CCNI2: variants seen among roughly 807,000 people sequenced by gnomAD.
The protein encoded by CCNI2 is cyclin I family member 2, also known as cyclin-I2.
Under a neutral mutation model 33.2 loss-of-function variants are expected in CCNI2, and 32 were observed. The observed-to-expected ratio is 0.96, with a 90% CI of 0.73 to 1.30. The LOEUF is 1.30. CCNI2 is among the 50% of genes most tolerant of loss of function. CCNI2 has a pLI of 0.00. For synonymous variants in CCNI2, 231 were observed against 219.9 expected (o/e 1.05, Z -0.45); for missense variants, 452 against 486.2 (o/e 0.93, Z 0.66).
chr5:132,747,946 CCCT>C lies in CCNI2; in HGVS notation c.429+27_429+29del, dbSNP rs560403852. ...CCAGGTACCCGTCGCTGCCGCGTGG[CCCT>C]CCTCGCGCGTGCACGGCAGGCGGAT... On this transcript the variant is annotated intron_variant, in intron 1 of 5. Transcript: ENST00000378731. The surrounding 1 kb of genome is among the most constrained non-coding windows in gnomAD (Gnocchi z 4.1). The C allele has an allele frequency of 5.1e-5, 69 of 1,364,832 alleles. No individual in the cohort carries two copies. In the East Asian group the frequency reaches 1.6e-3, roughly 31 times the overall value. 84.5% of individuals were successfully genotyped at this position (1,364,832 alleles called of 1,614,324 possible).
chr5:132,752,026 C>G lies in CCNI2; in HGVS notation c.835C>G (p.Pro279Ala). ...HVLELLPQRN[P>A]SLHVASLTRQ... is the part of the protein sequence containing the mutation. ...GTTGGAGCTGCTGCCTCAGAGGAAT[C>G]CTTCCCTCCACGTCGCATCCCTGAC... The change falls in exon 5 of 6, where the codon CCT becomes GCT. Residue 279 changes from proline (P) to alanine (A), a missense_variant. Pro to Ala is a conservative substitution (Grantham distance 27). Transcript: ENST00000378731. The G allele has an allele frequency of 6.2e-7, 1 of 1,612,444 alleles. No individual in the cohort carries two copies. The highest frequency in any genetic ancestry group is 8.5e-7 in the Non-Finnish European group (1 of 1,179,458).
downstream of CCNI2, among the ~76,000 whole-genome samples, chr5:132,754,948 G>A (rs1188486019): frequency 6.6e-6 from 1 of 152,194 alleles, no homozygotes; most frequent in Non-Finnish European, 1.5e-5. Context: ...GAACAGGGCA[G>A]GGGGAGCATC....
In CCNI2 at chr5:132,750,893, G is replaced by A; in HGVS notation, c.670G>A (p.Gly224Ser). The change falls in exon 4 of 6, where the codon GGC becomes AGC. Residue 224 changes from glycine (G) to serine (S), a missense_variant. By Grantham distance (56) the Gly-to-Ser change is moderately conservative (BLOSUM62 0). Transcript: ENST00000378731. ...PQVKDFTKHY[G>S]SDYSPNELLR... ...AGTAAAAGACTTCACAAAGCACTAT[G>A]GCTCTGACTATTCCCCGAATGAGCT... 6.2e-7 allele frequency: 1 copy of A among 1,614,228 alleles called. No homozygotes were observed. The highest frequency in any genetic ancestry group is 8.5e-7 in the Non-Finnish European group (1 of 1,180,042).
At chr5:132,748,231 G>A (rs1754668198) in intron 1 of CCNI2, 116 bp from the exon 2 acceptor site, 1 of 1,402,618 alleles carries the variant, frequency 7.1e-7, no homozygotes, top group South Asian at 1.4e-5. Flanking sequence ...GCATGCAGAG[G>A]AAGGGACTTC....
At position 132,747,470 on chromosome 5, in the gene CCNI2, C is replaced by T. The variant is rs1271281367; in HGVS notation, c.-26C>T. On this transcript the variant is annotated 5_prime_UTR_variant, in exon 1 of 6. Coordinates refer to ENST00000378731, the MANE Select transcript of CCNI2 (RefSeq NM_001039780.4). This position sits in a 1 kb window ranked among gnomAD's most constrained non-coding sequence, Gnocchi z 4.1. ...TATAAAATGCCGGGTTAAGCGGCAACTCAGACTCAGGATCCCGCTCACGAC... is the reference window on the plus strand; with the variant it reads ...TATAAAATGCCGGGTTAAGCGGCAATTCAGACTCAGGATCCCGCTCACGAC... The T allele has an allele frequency of 7.7e-6, 11 of 1,423,732 alleles. No homozygotes were observed. Among genetic ancestry groups the T allele is most frequent in the Non-Finnish European group, 1.0e-5 (11 of 1,095,896 alleles). 88.2% of individuals were successfully genotyped at this position (1,423,732 alleles called of 1,614,324 possible).
chr5:132,753,093 T>TG lies in CCNI2; in HGVS notation c.*124dup. 1.3e-6 allele frequency: 1 copy of TG among 764,674 alleles called. No individual in the cohort carries two copies. Among genetic ancestry groups the TG allele is most frequent in the African/African-American group, 1.7e-5 (1 of 57,246 alleles). 47.4% of individuals were successfully genotyped at this position (764,674 alleles called of 1,614,324 possible). ...GGGAAGGTGGCTCTGGAAGAGCAAC[T>TG]GAGAAAAAGTTCCCAACTGAGCCCT... On this transcript the variant is annotated 3_prime_UTR_variant, in exon 6 of 6. Transcript: ENST00000378731.
At chr5:132,751,670 G>A in intron 4 of CCNI2, 1 of 503,482 alleles carries the variant, frequency 2.0e-6, no homozygotes, top group South Asian at 2.7e-5. Context: ...CCTTGGTCTT[G>A]AATAGTATGT....
In CCNI2 at chr5:132,747,463, G is replaced by C. The variant is rs910757635; in HGVS notation, c.-33G>C. ...GCTGGGTTATAAAATGCCGGGTTAA[G>C]CGGCAACTCAGACTCAGGATCCCGC... On this transcript the variant is annotated 5_prime_UTR_variant, in exon 1 of 6. Coordinates refer to ENST00000378731, the MANE Select transcript of CCNI2 (RefSeq NM_001039780.4). The surrounding 1 kb of genome is among the most constrained non-coding windows in gnomAD (Gnocchi z 4.1). 12 of 1,409,430 alleles carry C rather than the reference G, an allele frequency of 8.5e-6. No individual in the cohort carries two copies. Among genetic ancestry groups the C allele is most frequent in the Non-Finnish European group, 1.0e-5 (11 of 1,088,490 alleles). 87.3% of individuals were successfully genotyped at this position (1,409,430 alleles called of 1,614,324 possible).
rs1754636319 is a variant in CCNI2 at position 132,747,434 on chromosome 5, G to C, written c.-62G>C. On this transcript the variant is annotated 5_prime_UTR_variant, in exon 1 of 6. Transcript: ENST00000378731. The surrounding 1 kb of genome is among the most constrained non-coding windows in gnomAD (Gnocchi z 4.1). ...GCGGCGCCCCAGGCTGCAGTGTTCCGGGAGCTGGGTTATAAAATGCCGGGT... is the reference window on the plus strand; with the variant it reads ...GCGGCGCCCCAGGCTGCAGTGTTCCCGGAGCTGGGTTATAAAATGCCGGGT... 2.2e-6 allele frequency: 3 copies of C among 1,353,026 alleles called. No individual in the cohort carries two copies. The highest frequency in any genetic ancestry group is 1.7e-5 in the South Asian group (1 of 58,464). The allele number at this position is 1,353,026 out of a possible 1,614,324, so 83.8% of individuals were successfully genotyped here. A position where few individuals can be genotyped will look rare whatever the true frequency, so the allele number is the denominator to read the frequency against.
In CCNI2 at chr5:132,752,931, A is replaced by G; in HGVS notation, c.1071A>G (p.Ser357=). The G allele has an allele frequency of 6.2e-7, 1 of 1,614,162 alleles. No homozygotes were observed. The highest frequency in any genetic ancestry group is 8.5e-7 in the Non-Finnish European group (1 of 1,180,040). ...TGCAGCAACTGAGAAGTCTTCAGTC[A>G]TCCTCCTGCACAGACAACTTTGTGT... ...LVMQQLRSLQ[S]SSCTDNFVSP... is the part of the protein sequence containing the mutation. The change falls in exon 6 of 6, where the codon TCA becomes TCG. Residue 357 remains serine, a synonymous_variant. Coordinates refer to ENST00000378731, the MANE Select transcript of CCNI2 (RefSeq NM_001039780.4).
Position 132,752,970 on chromosome 5 carries a change from G to A in CCNI2, c.1110G>A (p.Ter370=), listed in dbSNP as rs1490485768. Residue 370 remains the stop codon, a stop_retained_variant, in exon 6 of 6, where the codon TAG becomes TAA. Transcript: ENST00000378731. The part of the protein sequence containing the change: ...CTDNFVSPAN[*] ...ACAACTTTGTGTCACCTGCCAACTA[G>A]CCCCTCTGCCTCCACCCCGGGGCTT... is the stretch of plus-strand genomic sequence containing the variant. The A allele has an allele frequency of 1.7e-5, 28 of 1,612,766 alleles. No individual in the cohort carries two copies. Among genetic ancestry groups the A allele is most frequent in the Non-Finnish European group, 2.3e-5 (27 of 1,179,086 alleles).
chr5:132,747,490 C>T lies in CCNI2; in HGVS notation c.-6C>T. The T allele has an allele frequency of 1.4e-6, 2 of 1,458,702 alleles. No individual in the cohort carries two copies. Among genetic ancestry groups the T allele is most frequent in the Non-Finnish European group, 1.8e-6 (2 of 1,111,442 alleles). The allele number at this position is 1,458,702 out of a possible 1,614,324, so 90.4% of individuals were successfully genotyped here. Reference sequence around the variant, plus strand: ...GGCAACTCAGACTCAGGATCCCGCTCACGACATGGCCTCGGGCGCTCAGCT... The same window carrying T: ...GGCAACTCAGACTCAGGATCCCGCTTACGACATGGCCTCGGGCGCTCAGCT... On this transcript the variant is annotated 5_prime_UTR_variant, in exon 1 of 6. Coordinates refer to ENST00000378731, the MANE Select transcript of CCNI2 (RefSeq NM_001039780.4). The surrounding 1 kb of genome is among the most constrained non-coding windows in gnomAD (Gnocchi z 4.1).
intron 4 of CCNI2, 133 bp downstream of exon 4, chr5:132,751,130 A>C: frequency 1.0e-6 from 1 of 967,286 alleles, no homozygotes; most frequent in Non-Finnish European, 1.5e-6. Flanking sequence ...GTGACGCACA[A>C]GGCTCATGAC....
rs1755131091 is a variant in CCNI2 at position 132,754,214 on chromosome 5, G to C, written c.*1244G>C. ...CTACCATGCATTTAGCCTTGCGAGA[G>C]TCAGATACATTTGGAACACTATCTC... On this transcript the variant is annotated 3_prime_UTR_variant, in exon 6 of 6. Transcript: ENST00000378731. The C allele has an allele frequency of 3.6e-6, 2 of 557,132 alleles. No homozygotes were observed. Among genetic ancestry groups the C allele is most frequent in the East Asian group, 5.8e-5 (2 of 34,586 alleles). 34.5% of individuals were successfully genotyped at this position (557,132 alleles called of 1,614,324 possible).
chr5:132,748,690 T>TGA (rs1754681552), intron 2 of CCNI2, among the ~76,000 whole-genome samples: 2 of 152,104 alleles, frequency 1.3e-5, no homozygotes, highest in South Asian at 4.2e-4. Context: ...TTGGGGAGCG[T>TGA]GAGAGGACCT....
chr5:132,752,067 C>T lies in CCNI2; in HGVS notation c.876C>T (p.His292=). ...CATCCCTGACCAGGCAGCTGCAGCA[C>T]TGTATGGCGGGCCACCAGCTGCTGC... ...HVASLTRQLQ[H]CMAGHQLLQF... The change falls in exon 5 of 6, where the codon CAC becomes CAT. Residue 292 remains histidine, a synonymous_variant. Transcript: ENST00000378731. 1 of 1,609,304 alleles carries T rather than the reference C, an allele frequency of 6.2e-7. No individual in the cohort carries two copies. Among genetic ancestry groups the T allele is most frequent in the South Asian group, 1.1e-5 (1 of 89,496 alleles).
chr5:132,755,435 C>A (rs1289021701), downstream of CCNI2, among the ~76,000 whole-genome samples: 1 of 152,094 alleles, frequency 6.6e-6, no homozygotes, highest in Non-Finnish European at 1.5e-5. Context: ...ATTGAGATGC[C>A]AAGGAGCAGG....
At chr5:132,749,310 T>C in intron 2 of CCNI2, 38 bp from the exon 3 acceptor site, 3 of 1,505,410 alleles carry the variant, frequency 2.0e-6, no homozygotes, top group Non-Finnish European at 1.9e-6. Flanking sequence ...GTTTCTGGCA[T>C]TCATATTCTG....
rs1239390790 is a variant in CCNI2, at chr5:132,749,387, T to C, written c.598T>C (p.Leu200=). 2 of 1,614,092 alleles carry C rather than the reference T, an allele frequency of 1.2e-6. No homozygotes were observed. The highest frequency in any genetic ancestry group is 1.7e-6 in the Non-Finnish European group (2 of 1,180,038). Reference sequence around the variant, plus strand: ...CCTGCATTGCGCCACAATTACTTCCTTGAGGCTCGCTGCAAAAGTTAATGA... The same window carrying C: ...CCTGCATTGCGCCACAATTACTTCCCTGAGGCTCGCTGCAAAAGTTAATGA... ...KYLHCATITS[L]RLAAKVNEEE... The change falls in exon 3 of 6, where the codon TTG becomes CTG. Residue 200 remains leucine (L), a synonymous_variant. Coordinates refer to ENST00000378731, the MANE Select transcript of CCNI2 (RefSeq NM_001039780.4).
Sources: allele counts gnomAD v4.1 joint callset (sites outside exome capture counted in the v4.1 genomes callset), GRCh38; gene constraint gnomAD v4.1.1; non-coding constraint Gnocchi (gnomAD v3.1); transcripts MANE v1.5; gene names NCBI Gene and HGNC (gene_info 2026-07-23, HGNC 2026-07-21).